Variants in COL23A1 observed in about 807,000 individuals in gnomAD.
The protein encoded by COL23A1 is collagen type XXIII alpha 1 chain.
COL23A1 carries 97 observed loss-of-function variants against 99.3 expected under a neutral mutation model. The ratio of observed to expected loss-of-function variants is 0.98; its 90% CI spans 0.83 to 1.16. The LOEUF is 1.16. Ranked by LOEUF, COL23A1 falls within the 50% of genes most tolerant of loss-of-function variation. The pLI is 0.00. For synonymous variants in COL23A1, 320 were observed against 308.2 expected (o/e 1.04, Z -0.40); for missense variants, 762 against 757.4 (o/e 1.01, Z -0.07).
At chr5:178,577,804 A>G (rs907749969) in intron 1 of COL23A1, among the ~76,000 whole-genome samples, 1 of 152,046 alleles carries the variant, frequency 6.6e-6, no homozygotes, top group Non-Finnish European at 1.5e-5. Context: ...AGGTCAACCA[A>G]CTTGTCCCAG....
At chr5:178,436,195 G>A (rs1766552814) in intron 2 of COL23A1, among the ~76,000 whole-genome samples, 1 of 152,186 alleles carries the variant, frequency 6.6e-6, no homozygotes, top group Non-Finnish European at 1.5e-5. Context: ...TGGGGGTGAG[G>A]TAGCCCAGAC....
intron 2 of COL23A1, among the ~76,000 whole-genome samples, chr5:178,401,808 A>G (rs377493023): frequency 6.6e-6 from 1 of 152,172 alleles, no homozygotes; most frequent in East Asian, 1.9e-4. Context: ...TGGTATTGCT[A>G]ATTGCCTTTG....
chr5:178,553,322 G>A (rs983139596), intron 2 of COL23A1, among the ~76,000 whole-genome samples: 3 of 152,134 alleles, frequency 2.0e-5, no homozygotes, highest in East Asian at 1.9e-4. Context: ...AACTATCAAC[G>A]AAATGTATCA....
chr5:178,358,167 ATGTG>A, intron 2 of COL23A1, among the ~76,000 whole-genome samples: 1 of 131,850 alleles, frequency 7.6e-6, no homozygotes, highest in Admixed American at 7.7e-5. Flanking sequence ...TGTATGTCTA[ATGTG>A]TATGTGTATG....
intron 2 of COL23A1, among the ~76,000 whole-genome samples, chr5:178,469,114 G>A (rs184243668): frequency 2.0e-5 from 3 of 152,362 alleles, no homozygotes; most frequent in Non-Finnish European, 4.4e-5. Flanking sequence ...ACCGCATCCT[G>A]TTGTGTGGAC....
At position 178,246,278 on chromosome 5, in the gene COL23A1, C is replaced by G. The variant is rs1764688828; in HGVS notation, c.1389G>C (p.Gly463=). ...PGPVGPPGLI[G]LPGTKGEKGR... Reference sequence around the variant, plus strand: ...CCTTCTCTCCTTTGGTTCCTGGCAGCCCAATAAGGCCCGGTGGGCCAACTG... The same window carrying G: ...CCTTCTCTCCTTTGGTTCCTGGCAGGCCAATAAGGCCCGGTGGGCCAACTG... The change falls in exon 24 of 29, where the codon GGG becomes GGC. Residue 463 remains glycine (G), a synonymous_variant. Transcript: ENST00000390654. The G allele has an allele frequency of 1.9e-6, 3 of 1,554,782 alleles. No homozygotes were observed. The highest frequency in any genetic ancestry group is 2.6e-6 in the Non-Finnish European group (3 of 1,148,288).
At chr5:178,256,277 TG>T (rs991828148) in intron 15 of COL23A1, 75 bp downstream of exon 15, 7 of 1,099,046 alleles carry the variant, frequency 6.4e-6, no homozygotes, top group Middle Eastern at 2.3e-4. Context: ...GGGGTCTCTG[TG>T]GGGACAGGGG....
rs1758534742 is a variant in COL23A1 at position 178,309,236 on chromosome 5, TGGCATGGTTA to T, written c.362-2327_362-2318del. ...GGATTTGTCTGGTGGCTCTCCTGGG[TGGCATGGTTA>T]GGCAGAGGCTGATGGGGAGGGATGC... On this transcript the variant is annotated intron_variant, in intron 2 of 28. Transcript: ENST00000390654. This position sits in a 1 kb window ranked among gnomAD's most constrained non-coding sequence, Gnocchi z 4.7. Among the ~76,000 whole-genome samples the T allele has an allele frequency of 6.6e-6, 1 of 152,064 alleles. No individual in the cohort carries two copies. Among genetic ancestry groups the T allele is most frequent in the African/African-American group, 2.4e-5 (1 of 41,408 alleles).
chr5:178,277,302 G>A (rs1254255879), intron 5 of COL23A1, among the ~76,000 whole-genome samples: 1 of 152,156 alleles, frequency 6.6e-6, no homozygotes, highest in Admixed American at 6.5e-5. Context: ...GGAGGTTGAG[G>A]CTGCAGTGAG....
intron 21 of COL23A1, 46 bp downstream of exon 21, chr5:178,247,729 T>C (rs1428658817): frequency 1.2e-6 from 2 of 1,601,454 alleles, no homozygotes; most frequent in Non-Finnish European, 1.7e-6. Context: ...CCCCGCCTCT[T>C]GGTTTCCTGG....
intron 26 of COL23A1, 77 bp from the exon 27 acceptor site, chr5:178,242,205 G>T (rs961974037): frequency 8.9e-6 from 13 of 1,467,524 alleles, no homozygotes; most frequent in Non-Finnish European, 1.2e-5. Context: ...CGAGAGAAGC[G>T]CGTGGGGCCA....
At chr5:178,251,025 A>ATT (rs70994990) in intron 17 of COL23A1, among the ~76,000 whole-genome samples, 2,735 of 121,230 alleles carry the variant, frequency 0.023, 100 homozygotes, top group African/African-American at 0.076. Flanking sequence ...TCGCAAGATA[A>ATT]TTTTTTTTTT....
At chr5:178,500,431 A>C (rs1029864861) in intron 2 of COL23A1, among the ~76,000 whole-genome samples, 2 of 150,144 alleles carry the variant, frequency 1.3e-5, no homozygotes, top group African/African-American at 4.9e-5. Context: ...CTACAAAAAA[A>C]AAAAAAAAAA....
chr5:178,320,341 G>C (rs1312640400), intron 2 of COL23A1, among the ~76,000 whole-genome samples: 1 of 152,178 alleles, frequency 6.6e-6, no homozygotes, highest in African/African-American at 2.4e-5. Context: ...CGCTGGCACA[G>C]AGCCACCTGA....
In COL23A1 at chr5:178,357,952, GTA is replaced by G. The variant is rs576188329; in HGVS notation, c.362-51035_362-51034del. On this transcript the variant is annotated intron_variant, in intron 2 of 28. Transcript: ENST00000390654. ...TGTATGTGTATGTATGTGTGTGTAT[GTA>G]TATGTGTGTATGTGTATGTGTATAT... is the stretch of plus-strand genomic sequence containing the variant. 6.5e-4 allele frequency among the ~76,000 whole-genome samples: 97 copies of G among 150,164 alleles called. 2 individuals carry two copies. Among genetic ancestry groups the G allele is most frequent in the East Asian group, 1.8e-3 (9 of 5,088 alleles).
chr5:178,242,080 C>T lies in COL23A1; in HGVS notation c.1543G>A (p.Glu515Lys), dbSNP rs755718927. The T allele has an allele frequency of 6.4e-6, 10 of 1,554,086 alleles. No individual in the cohort carries two copies. The highest frequency in any genetic ancestry group is 2.4e-5 in the East Asian group (1 of 41,148). The change falls in exon 27 of 29, where the codon GAG becomes AAG. Residue 515 changes from glutamate to lysine, a missense_variant. By Grantham distance (56) the Glu-to-Lys change is moderately conservative. Transcript: ENST00000390654. ...GRKGVKGQKG[E>K]PGPPGLDQPC... ...TGGTCCAGGCCTGGTGGTCCCGGCT[C>T]GCCCTTCTGGCCCTTCACTCCTTTC...
At position 178,553,000 on chromosome 5, in the gene COL23A1, G is replaced by A. The variant is rs146135070; in HGVS notation, c.361+7682C>T. Among the ~76,000 whole-genome samples, 414 of 152,108 alleles carry A rather than the reference G, an allele frequency of 2.7e-3. 3 individuals are homozygous for A. The highest frequency in any genetic ancestry group is 9.6e-3 in the African/African-American group (400 of 41,510). On this transcript the variant is annotated intron_variant, in intron 2 of 28. Coordinates refer to ENST00000390654, the MANE Select transcript of COL23A1 (RefSeq NM_173465.4). ...TGGGATTACAGGCGTGAGCCACTGC[G>A]CCTGGCCAGGAAAATTTTTTTTAAT...
At chr5:178,441,866 C>G (rs1766886989) in intron 2 of COL23A1, among the ~76,000 whole-genome samples, 1 of 152,044 alleles carries the variant, frequency 6.6e-6, no homozygotes, top group East Asian at 1.9e-4. Flanking sequence ...ATGAAGGAAA[C>G]CTGTGGGCCC....
intron 2 of COL23A1, among the ~76,000 whole-genome samples, chr5:178,402,377 C>T (rs1420129412): frequency 6.6e-6 from 1 of 151,898 alleles, no homozygotes. Context: ...GTAGCTCTCA[C>T]GAAGACAGAG....
Sources: gnomAD v4.1 joint callset for allele counts (sites outside exome capture counted in the v4.1 genomes callset) on GRCh38, gnomAD v4.1.1 for gene constraint, Gnocchi (gnomAD v3.1) non-coding constraint, MANE v1.5 for transcripts, NCBI Gene and HGNC (gene_info 2026-07-23, HGNC 2026-07-21) for gene names.